Variants in PXK observed in about 807,000 individuals in gnomAD.
The protein encoded by PXK is PX domain-containing protein kinase-like protein.
Under a neutral mutation model 84.7 loss-of-function variants are expected in PXK, and 35 were observed. The ratio of observed to expected loss-of-function variants is 0.41; its 90% CI spans 0.32 to 0.55. PXK has a LOEUF of 0.55. Among genes scored for constraint, PXK ranks in the 20% least tolerant of loss-of-function variants. The probability of loss-of-function intolerance (pLI) is 0.21; values close to 1 mark genes in which losing one functional copy is unlikely to be tolerated. For synonymous variants in PXK, 253 were observed against 260.8 expected (o/e 0.97, Z 0.29); for missense variants, 634 against 699.7 (o/e 0.91, Z 1.06).
At chr3:58,336,678 A>G (rs187481823) in intron 1 of PXK, among the ~76,000 whole-genome samples, 20 of 152,348 alleles carry the variant, frequency 1.3e-4, no homozygotes, top group Admixed American at 4.6e-4. Context: ...AAGTTAGTAG[A>G]CTAAAAAAAT....
intron 12 of PXK, among the ~76,000 whole-genome samples, chr3:58,403,298 A>G (rs1429594885): frequency 1.3e-5 from 2 of 151,964 alleles, no homozygotes; most frequent in Non-Finnish European, 2.9e-5. Flanking sequence ...GAGCCACCGC[A>G]CCCAGCCAGT....
At chr3:58,335,727 G>T (rs890143092) in intron 1 of PXK, among the ~76,000 whole-genome samples, 2 of 152,050 alleles carry the variant, frequency 1.3e-5, no homozygotes, top group Admixed American at 1.3e-4. Flanking sequence ...CTTAATACAG[G>T]TCTGAGCTGA....
intron 1 of PXK, among the ~76,000 whole-genome samples, chr3:58,353,892 A>T (rs1483750904): frequency 6.6e-6 from 1 of 152,206 alleles, no homozygotes; most frequent in Admixed American, 6.5e-5. Context: ...TAGGCTGAGG[A>T]ATTTGGATTT....
At position 58,336,068 on chromosome 3, in the gene PXK, TA is replaced by T. The variant is rs1334718830; in HGVS notation, c.102+2979del. ...ATATATATATATATATATATATATA[TA>T]TATTTTTTTTTTTTTTTTTTAATAC... On this transcript the variant is annotated intron_variant, in intron 1 of 17. Transcript: ENST00000356151. 5.5e-3 allele frequency among the ~76,000 whole-genome samples: 324 copies of T among 59,310 alleles called. 2 individuals are homozygous for T. Among genetic ancestry groups the T allele is most frequent in the African/African-American group, 8.6e-3 (75 of 8,692 alleles). 38.9% of individuals were successfully genotyped at this position (59,310 alleles called of 152,430 possible). A position where few individuals can be genotyped will look rare whatever the true frequency, so the allele number is the denominator to read the frequency against.
intron 1 of PXK, among the ~76,000 whole-genome samples, chr3:58,355,551 T>C (rs528501606): frequency 2.0e-5 from 3 of 152,360 alleles, no homozygotes; most frequent in Admixed American, 2.0e-4. Context: ...CTACTTAGTT[T>C]TCCTAAAATT....
intron 3 of PXK, among the ~76,000 whole-genome samples, chr3:58,380,539 A>C (rs1272008936): frequency 6.6e-6 from 1 of 152,220 alleles, no homozygotes; most frequent in Non-Finnish European, 1.5e-5. Context: ...GGCCGGGTGC[A>C]GTGGCTCACG....
chr3:58,335,166 C>T (rs919916101), intron 1 of PXK, among the ~76,000 whole-genome samples: 3 of 152,070 alleles, frequency 2.0e-5, no homozygotes, highest in Admixed American at 6.6e-5. Flanking sequence ...TGAGCCACCA[C>T]ACCTGGCCCT....
intron 1 of PXK, among the ~76,000 whole-genome samples, chr3:58,361,213 T>C (rs9637479): frequency 0.23 from 33,890 of 149,698 alleles, 5,717 homozygotes; most frequent in East Asian, 0.81. Context: ...GGAGAATCAC[T>C]TGAACCCGGG....
In PXK at chr3:58,396,955, T is replaced by A. The variant is rs1021239165; in HGVS notation, c.823-84T>A. 2.8e-6 allele frequency: 4 copies of A among 1,417,866 alleles called. No individual in the cohort carries two copies. The Admixed American group carries it at 8.6e-5, about 30-fold the overall frequency. The allele number at this position is 1,417,866 out of a possible 1,614,324, so 87.8% of individuals were successfully genotyped here. A position where few individuals can be genotyped will look rare whatever the true frequency, so the allele number is the denominator to read the frequency against. On this transcript the variant is annotated intron_variant, in intron 9 of 17. Coordinates refer to ENST00000356151, the MANE Select transcript of PXK (RefSeq NM_017771.5). ...TGACCTGTTTGGTTTTGTTTCAAAA[T>A]ATATTGACTAAAAAACAAAGTTTAA...
chr3:58,395,566 A>C (rs941581546), intron 8 of PXK, 92 bp from the exon 9 acceptor site: 1 of 967,748 alleles, frequency 1.0e-6, no homozygotes, highest in African/African-American at 1.6e-5. Flanking sequence ...TGGCGCCCCT[A>C]GCCTCTGTAG....
chr3:58,407,348 A>G lies in PXK; in HGVS notation c.1231-1576A>G, dbSNP rs1007808521. ...TCATATGTTTTTTGGCCATTTGTAT[A>G]TTTTCTTTAGAGAAATGTCTATGTC... is the stretch of plus-strand genomic sequence containing the variant. On this transcript the variant is annotated intron_variant, in intron 13 of 17. Coordinates refer to ENST00000356151, the MANE Select transcript of PXK (RefSeq NM_017771.5). The surrounding 1 kb of genome is among the most constrained non-coding windows in gnomAD (Gnocchi z 4.3). 2.0e-5 allele frequency among the ~76,000 whole-genome samples: 3 copies of G among 151,948 alleles called. No homozygotes were observed. Among genetic ancestry groups the G allele is most frequent in the Non-Finnish European group, 2.9e-5 (2 of 67,960 alleles).
At position 58,409,040 on chromosome 3, in the gene PXK, C is replaced by T; in HGVS notation, c.1308+39C>T. On this transcript the variant is annotated intron_variant, in intron 14 of 17. Coordinates refer to ENST00000356151, the MANE Select transcript of PXK (RefSeq NM_017771.5). This position sits in a 1 kb window ranked among gnomAD's most constrained non-coding sequence, Gnocchi z 4.2. ...GGTTCCTCTTTGCCTTTTAGTGTCC[C>T]CATCCTCTGCCGTGGTTTTTATAGT... is the stretch of plus-strand genomic sequence containing the variant. The T allele has an allele frequency of 1.4e-6, 2 of 1,437,512 alleles. No individual in the cohort carries two copies. The highest frequency in any genetic ancestry group is 2.0e-6 in the Non-Finnish European group (2 of 1,025,500). 89.0% of individuals were successfully genotyped at this position (1,437,512 alleles called of 1,614,324 possible).
At chr3:58,342,065 G>GTT (rs11425273) in intron 1 of PXK, among the ~76,000 whole-genome samples, 6,828 of 148,826 alleles carry the variant, frequency 0.046, 539 homozygotes, top group African/African-American at 0.16. Context: ...AACTCAGAAT[G>GTT]TTTTTTTTTT....
chr3:58,406,180 T>C (rs1452234616), intron 13 of PXK, among the ~76,000 whole-genome samples: 4 of 152,138 alleles, frequency 2.6e-5, no homozygotes, highest in Non-Finnish European at 5.9e-5. Flanking sequence ...TTGGTCAGGC[T>C]GGTCTCGACC....
At chr3:58,391,322 A>G (rs1212859296) in intron 6 of PXK, 102 bp downstream of exon 6, 1 of 1,018,156 alleles carries the variant, frequency 9.8e-7, no homozygotes, top group East Asian at 2.5e-5. Flanking sequence ...CTCTTAAGTG[A>G]TGATGTAAAG....
chr3:58,386,329 T>G (rs549446632), intron 4 of PXK, among the ~76,000 whole-genome samples: 186 of 127,730 alleles, frequency 1.5e-3, no homozygotes, highest in Non-Finnish European at 2.4e-3. Context: ...AGAATCTCAC[T>G]CTGTTGGCCA....
chr3:58,420,943 G>T, intron 17 of PXK: 2 of 1,082,314 alleles, frequency 1.8e-6, no homozygotes, highest in Non-Finnish European at 2.2e-6. Context: ...GAAGAGGAAA[G>T]AGTGTTAGGC....
chr3:58,353,390 G>C (rs2097983395), intron 1 of PXK, among the ~76,000 whole-genome samples: 2 of 152,102 alleles, frequency 1.3e-5, no homozygotes. Context: ...AGGTTAATAC[G>C]GTAATGATTC....
chr3:58,420,407 C>T (rs929085567), intron 17 of PXK: 89 of 1,209,732 alleles, frequency 7.4e-5, no homozygotes, highest in South Asian at 6.4e-4. Context: ...ATCCTAGTTT[C>T]GAAGTGAGAA....
Sources: allele counts gnomAD v4.1 joint callset (sites outside exome capture counted in the v4.1 genomes callset), GRCh38; gene constraint gnomAD v4.1.1; non-coding constraint Gnocchi (gnomAD v3.1); transcripts MANE v1.5; gene names NCBI Gene and HGNC (gene_info 2026-07-23, HGNC 2026-07-21).